MAPK9: variants seen among roughly 807,000 people sequenced by gnomAD.
MAPK9 encodes Jun kinase.
Under a neutral mutation model 57.1 loss-of-function variants are expected in MAPK9, and 30 were observed. The ratio of observed to expected loss-of-function variants is 0.53; its 90% CI spans 0.39 to 0.71. The LOEUF is 0.71. Ranked by LOEUF, MAPK9 falls within the 30% of genes least tolerant of loss-of-function variation. MAPK9 has a pLI of 0.00. For missense variants in MAPK9, 362 were observed against 521.0 expected (o/e 0.69, Z 2.97); for synonymous variants, 155 against 177.0 (o/e 0.88, Z 0.99).
At chr5:180,259,342 A>C (rs1759664614) in intron 5 of MAPK9, among the ~76,000 whole-genome samples, 1 of 152,122 alleles carries the variant, frequency 6.6e-6, no homozygotes, top group South Asian at 2.1e-4. Context: ...CTACGTAAAC[A>C]TGAAAGAACT....
At chr5:180,282,404 C>T (rs1484448826) in intron 1 of MAPK9, among the ~76,000 whole-genome samples, 1 of 152,198 alleles carries the variant, frequency 6.6e-6, no homozygotes, top group Admixed American at 6.5e-5. Flanking sequence ...GAAGCGCGAG[C>T]AGTGAGTCCA....
At chr5:180,270,543 T>G (rs547987064) in intron 2 of MAPK9, among the ~76,000 whole-genome samples, 1 of 152,312 alleles carries the variant, frequency 6.6e-6, no homozygotes, top group East Asian at 1.9e-4. Context: ...ACCTATATAC[T>G]TCTCAGACTC....
At position 180,247,357 on chromosome 5, in the gene MAPK9, G is replaced by T. The variant is rs34862489; in HGVS notation, c.688+82C>A. The T allele has an allele frequency of 1.1e-5, 17 of 1,534,974 alleles. No homozygotes were observed. The highest frequency in any genetic ancestry group is 1.5e-5 in the Non-Finnish European group (17 of 1,108,838). ...GAGTGGATTTTACGACTTTGTCCTCGTGAGCGCTCGTGTAAGCAGGTGGTC... is the reference window on the plus strand; with the variant it reads ...GAGTGGATTTTACGACTTTGTCCTCTTGAGCGCTCGTGTAAGCAGGTGGTC... On this transcript the variant is annotated intron_variant, in intron 7 of 11. Coordinates refer to ENST00000452135, the MANE Select transcript of MAPK9 (RefSeq NM_002752.5). The surrounding 1 kb of genome is among the most constrained non-coding windows in gnomAD (Gnocchi z 4.5).
In MAPK9 at chr5:180,247,598, A is replaced by G; in HGVS notation, c.617-88T>C. 2 of 1,159,114 alleles carry G rather than the reference A, an allele frequency of 1.7e-6. No homozygotes were observed. The highest frequency in any genetic ancestry group is 2.5e-6 in the Non-Finnish European group (2 of 786,564). 71.8% of individuals were successfully genotyped at this position (1,159,114 alleles called of 1,614,324 possible). Reference sequence around the variant, plus strand: ...GGAATTCTAACAGTGCACTAAACACACAAATATGGAAAAATAAATTGCTAG... The same window carrying G: ...GGAATTCTAACAGTGCACTAAACACGCAAATATGGAAAAATAAATTGCTAG... On this transcript the variant is annotated intron_variant, in intron 6 of 11. Coordinates refer to ENST00000452135, the MANE Select transcript of MAPK9 (RefSeq NM_002752.5). The surrounding 1 kb of genome is among the most constrained non-coding windows in gnomAD (Gnocchi z 4.5).
chr5:180,264,854 T>C lies in MAPK9; in HGVS notation c.253-15A>G, dbSNP rs772352522. 5.3e-6 allele frequency: 8 copies of C among 1,510,214 alleles called. No individual in the cohort carries two copies. The Middle Eastern group carries it at 9.1e-4, about 172-fold the overall frequency. The allele number at this position is 1,510,214 out of a possible 1,614,324, so 93.6% of individuals were successfully genotyped here. A position where few individuals can be genotyped will look rare whatever the true frequency, so the allele number is the denominator to read the frequency against. On this transcript the variant is annotated splice_polypyrimidine_tract_variant and intron_variant, in intron 3 of 11. Coordinates refer to ENST00000452135, the MANE Select transcript of MAPK9 (RefSeq NM_002752.5). ...AAACTAATTATCTGAAAAGAGAAAA[T>C]TAATTATACTTCAATATGTCAGATT...
intron 8 of MAPK9, 140 bp from the exon 9 acceptor site, chr5:180,241,295 T>C: frequency 1.1e-6 from 1 of 884,688 alleles, no homozygotes; most frequent in Non-Finnish European, 1.6e-6. Context: ...AAGATGAATA[T>C]AACCCAAAAT....
intron 2 of MAPK9, among the ~76,000 whole-genome samples, chr5:180,276,067 T>C (rs1391012765): frequency 6.6e-6 from 1 of 152,240 alleles, no homozygotes; most frequent in Admixed American, 6.5e-5. Context: ...CACAAAGAAC[T>C]CTTCGCTGAG....
At chr5:180,270,939 C>T (rs766519460) in intron 2 of MAPK9, among the ~76,000 whole-genome samples, 58 of 151,050 alleles carry the variant, frequency 3.8e-4, no homozygotes, top group Middle Eastern at 3.2e-3. Flanking sequence ...AGTTTTTGTC[C>T]AAAATTTCAG....
Position 180,236,545 on chromosome 5 carries a change from A to G in MAPK9, c.1133-19T>C. 1 of 1,605,806 alleles carries G rather than the reference A, an allele frequency of 6.2e-7. No homozygotes were observed. Among genetic ancestry groups the G allele is most frequent in the Non-Finnish European group, 8.5e-7 (1 of 1,173,516 alleles). On this transcript the variant is annotated intron_variant, in intron 11 of 11. Coordinates refer to ENST00000452135, the MANE Select transcript of MAPK9 (RefSeq NM_002752.5). The stretch of plus-strand genomic sequence containing the variant: ...GCTGCATCTGTGCTAAGAAAACCAA[A>G]TATAATAAAATCTGAGGCACGACAT...
At chr5:180,289,238 C>T (rs2127636068) in intron 1 of MAPK9, among the ~76,000 whole-genome samples, 1 of 152,274 alleles carries the variant, frequency 6.6e-6, no homozygotes, top group East Asian at 1.9e-4. Flanking sequence ...TTATCTTAGA[C>T]ACATTCAAGT....
rs1756991324 is a variant in MAPK9, at chr5:180,233,759, CCAGA to C, written c.*2621_*2624del. ...CCAGAGGAGTCACATTAGAAATCAACCAGACAGACTCGTACGTGGTTATCGCTAC... is the reference window on the plus strand; with the variant it reads ...CCAGAGGAGTCACATTAGAAATCAACCAGACTCGTACGTGGTTATCGCTAC... On this transcript the variant is annotated 3_prime_UTR_variant, in exon 12 of 12. Transcript: ENST00000452135. 2 of 152,170 alleles carry C rather than the reference CCAGA, an allele frequency of 1.3e-5. No individual in the cohort carries two copies. The highest frequency in any genetic ancestry group is 4.8e-5 in the African/African-American group (2 of 41,446). The allele number at this position is 152,170 out of a possible 1,614,324, so 9.4% of individuals were successfully genotyped here. A position where few individuals can be genotyped will look rare whatever the true frequency, so the allele number is the denominator to read the frequency against.
chr5:180,247,419 A>C lies in MAPK9; in HGVS notation c.688+20T>G. 1.2e-6 allele frequency: 2 copies of C among 1,614,202 alleles called. No homozygotes were observed. The highest frequency in any genetic ancestry group is 1.7e-6 in the Non-Finnish European group (2 of 1,180,026). ...GGCATTAAGAAAGCATGGCGGGGCC[A>C]AGGTCGCGGGGAAGGATACGGTCAG... On this transcript the variant is annotated intron_variant, in intron 7 of 11. Coordinates refer to ENST00000452135, the MANE Select transcript of MAPK9 (RefSeq NM_002752.5). The surrounding 1 kb of genome is among the most constrained non-coding windows in gnomAD (Gnocchi z 4.5).
rs1467855172 is a variant in MAPK9 at position 180,264,821 on chromosome 5, C to T, written c.271G>A (p.Val91Met). 1.3e-6 allele frequency: 2 copies of T among 1,552,042 alleles called. No individual in the cohort carries two copies. Among genetic ancestry groups the T allele is most frequent in the Non-Finnish European group, 1.7e-6 (2 of 1,145,858 alleles). Residue 91 changes from valine (V) to methionine (M), a missense_variant, in exon 4 of 12, where the codon GTG (valine) becomes ATG (methionine). Physicochemically the swap from Val to Met is conservative, Grantham distance 21. Around this residue, in one of 3 missense-constraint regions of MAPK9, gnomAD observed 127 missense variants for 231.7 expected, o/e 0.55. Coordinates refer to ENST00000452135, the MANE Select transcript of MAPK9 (RefSeq NM_002752.5). ...TCTAGAGTTTTTTGTGGTGTAAACACATTTAACAAACTAATTATCTGAAAA... is the reference window on the plus strand; with the variant it reads ...TCTAGAGTTTTTTGTGGTGTAAACATATTTAACAAACTAATTATCTGAAAA... ...NHKNIISLLN[V>M]FTPQKTLEEF...
At chr5:180,290,422 G>A (rs1426329541) in intron 1 of MAPK9, among the ~76,000 whole-genome samples, 1 of 152,150 alleles carries the variant, frequency 6.6e-6, no homozygotes, top group Non-Finnish European at 1.5e-5. Context: ...GGGTTGTACA[G>A]TCCTGGAACT....
chr5:180,268,058 T>G (rs1265323227), intron 3 of MAPK9, among the ~76,000 whole-genome samples: 1 of 152,012 alleles, frequency 6.6e-6, no homozygotes, highest in Non-Finnish European at 1.5e-5. Context: ...TCTCCTGACG[T>G]CATGATCCAC....
intron 3 of MAPK9, among the ~76,000 whole-genome samples, chr5:180,269,030 T>C (rs1019926758): frequency 9.2e-5 from 14 of 151,598 alleles, no homozygotes; most frequent in African/African-American, 3.2e-4. Context: ...TCCCAGCTAC[T>C]TGGGAGGCTG....
At chr5:180,289,136 T>C (rs1458410181) in intron 1 of MAPK9, among the ~76,000 whole-genome samples, 1 of 152,252 alleles carries the variant, frequency 6.6e-6, no homozygotes, top group Non-Finnish European at 1.5e-5. Context: ...ATCTGGTCTC[T>C]GTTTTATCTT....
At chr5:180,260,130 A>G (rs540452888) in intron 5 of MAPK9, among the ~76,000 whole-genome samples, 39 of 152,334 alleles carry the variant, frequency 2.6e-4, no homozygotes, top group South Asian at 1.4e-3. Context: ...AATTCTATGC[A>G]TGTAAACAAT....
At chr5:180,262,350 G>A (rs1257533062) in intron 4 of MAPK9, among the ~76,000 whole-genome samples, 1 of 146,100 alleles carries the variant, frequency 6.8e-6, no homozygotes, top group Admixed American at 7.1e-5. Context: ...GCAACGCCCC[G>A]ATTCTTTGCT....
Sources: allele counts gnomAD v4.1 joint callset (sites outside exome capture counted in the v4.1 genomes callset), GRCh38; gene constraint gnomAD v4.1.1; regional missense constraint gnomAD v4.1.1; non-coding constraint Gnocchi (gnomAD v3.1); transcripts MANE v1.5; gene names NCBI Gene and HGNC (gene_info 2026-07-23, HGNC 2026-07-21).